The following HHATL variants were observed in gnomAD, a reference collection of about 807,000 sequenced individuals.
HHATL encodes the protein hedgehog acyltransferase like.
Under a neutral mutation model 59.7 loss-of-function variants are expected in HHATL, and 49 were observed. That is an observed-to-expected ratio of 0.82 (90% CI 0.65 to 1.04). The LOEUF (loss-of-function observed/expected upper bound fraction) is 1.04. Ranked by LOEUF, HHATL falls within the 50% of genes least tolerant of loss-of-function variation. The pLI is 0.00. For synonymous variants in HHATL, 238 were observed against 257.3 expected (o/e 0.93, Z 0.72); for missense variants, 605 against 650.8 (o/e 0.93, Z 0.77).
At position 42,697,610 on chromosome 3, in the gene HHATL, C is replaced by T. The variant is rs140686107; in HGVS notation, c.763G>A (p.Val255Met). Residue 255 changes from valine to methionine, a missense_variant, in exon 7 of 12, where the codon GTG (valine) becomes ATG (methionine). Coordinates refer to ENST00000441594, the MANE Select transcript of HHATL (RefSeq NM_020707.4). Reference sequence around the variant, plus strand: ...ATGTCGACGGCCATGATGGCCACCACGCTTAGGCCTGCCTGGGCTCGGATG... The same window carrying T: ...ATGTCGACGGCCATGATGGCCACCATGCTTAGGCCTGCCTGGGCTCGGATG... ...WHIRAQAGLS[V>M]VAIMAVDIFF... 1.2e-5 allele frequency: 19 copies of T among 1,614,024 alleles called. No homozygotes were observed. The highest frequency in any genetic ancestry group is 1.0e-4 in the Admixed American group (6 of 59,996).
intron 9 of HHATL, among the ~76,000 whole-genome samples, chr3:42,695,875 T>C (rs1429186763): frequency 1.3e-5 from 2 of 152,170 alleles, no homozygotes; most frequent in African/African-American, 4.8e-5. Context: ...ATCACCCCTG[T>C]ATCCTGCATC....
At chr3:42,697,276 G>A (rs1697669148) in intron 7 of HHATL, 131 bp from the exon 8 acceptor site, 2 of 1,246,452 alleles carry the variant, frequency 1.6e-6, no homozygotes, top group South Asian at 3.2e-5. Flanking sequence ...CCATATTGTG[G>A]AAATCAGTCA....
At chr3:42,693,547 C>T in intron 10 of HHATL, 70 bp downstream of exon 10, 5 of 1,363,718 alleles carry the variant, frequency 3.7e-6, no homozygotes, top group Non-Finnish European at 5.1e-6. Flanking sequence ...TTGGACAACT[C>T]CAGAAAGCAG....
rs1316350365 is a variant in HHATL at position 42,698,868 on chromosome 3, A to G, written c.323T>C (p.Leu108Ser). The G allele has an allele frequency of 1.9e-6, 3 of 1,611,732 alleles. No homozygotes were observed. The South Asian group carries it at 3.3e-5, about 18-fold the overall frequency. The change falls in exon 5 of 12, where the codon TTG becomes TCG. Residue 108 changes from leucine (L) to serine (S), a missense_variant. Leu to Ser is a moderately radical substitution (Grantham distance 145). Transcript: ENST00000441594. ...RSWMYAVYGA[L>S]AVMGTMGPWY... The stretch of plus-strand genomic sequence containing the variant: ...AGGGCCCATTGTGCCCATCACAGCC[A>G]AGGCCCCGTACACAGCATACATCCA...
At position 42,700,711 on chromosome 3, in the gene HHATL, C is replaced by G; in HGVS notation, c.106+10G>C. ...GGTCCTGTCCACCTGCCCCGGGGCA[C>G]AGCCATTACCTTGTGAAGCCTCAAG... On this transcript the variant is annotated intron_variant, in intron 2 of 11. Coordinates refer to ENST00000441594, the MANE Select transcript of HHATL (RefSeq NM_020707.4). 1 of 1,592,906 alleles carries G rather than the reference C, an allele frequency of 6.3e-7. No individual in the cohort carries two copies. The highest frequency in any genetic ancestry group is 8.6e-7 in the Non-Finnish European group (1 of 1,162,320).
intron 5 of HHATL, 149 bp downstream of exon 5, chr3:42,698,559 T>A: frequency 9.6e-7 from 1 of 1,042,498 alleles, no homozygotes; most frequent in Non-Finnish European, 1.4e-6. Context: ...ATGCAGGTGC[T>A]CACCTTGTGG....
chr3:42,698,427 G>T, intron 5 of HHATL, 76 bp from the exon 6 acceptor site: 1 of 1,376,270 alleles, frequency 7.3e-7, no homozygotes, highest in Non-Finnish European at 1.0e-6. Context: ...CCACTCCCTA[G>T]CTTCCCACAG....
rs192025022 is a variant in HHATL, at chr3:42,701,239, T to C, written c.-13-400A>G. On this transcript the variant is annotated intron_variant, in intron 1 of 11. Transcript: ENST00000441594. The surrounding 1 kb of genome is among the most constrained non-coding windows in gnomAD (Gnocchi z 5.1). ...CTATCACTACAGTCAGGTTTCTGCC[T>C]GCAGGGTCCCCACCTCGATCAGTGA... 0.012 allele frequency: 2,200 copies of C among 184,130 alleles called. 155 individuals carry two copies. Among genetic ancestry groups the C allele is most frequent in the Admixed American group, 0.11 (1,964 of 17,658 alleles). The allele number at this position is 184,130 out of a possible 1,614,324, so 11.4% of individuals were successfully genotyped here. A position where few individuals can be genotyped will look rare whatever the true frequency, so the allele number is the denominator to read the frequency against.
chr3:42,702,371 G>A (rs1048980964), intron 1 of HHATL, among the ~76,000 whole-genome samples: 12 of 152,224 alleles, frequency 7.9e-5, no homozygotes, highest in African/African-American at 2.9e-4. Context: ...GCAAGGAGCT[G>A]GCCCCCAGCC....
chr3:42,700,683 A>G, intron 2 of HHATL, 38 bp downstream of exon 2: 1 of 1,432,994 alleles, frequency 7.0e-7, no homozygotes, highest in Non-Finnish European at 9.8e-7. Context: ...CCAGGGGAAG[A>G]AGGGTCCTGT....
At chr3:42,693,570 G>C (rs200446849) in intron 10 of HHATL, 47 bp downstream of exon 10, 82 of 1,490,572 alleles carry the variant, frequency 5.5e-5, no homozygotes, top group Non-Finnish European at 6.6e-5. Flanking sequence ...GTGCCCCCCC[G>C]CCCTCTATGA....
chr3:42,697,415 C>T, intron 7 of HHATL, 93 bp downstream of exon 7: 1 of 1,414,072 alleles, frequency 7.1e-7, no homozygotes, highest in Non-Finnish European at 9.8e-7. Context: ...GCCCTGCGTG[C>T]CTCAGCTCCC....
intron 6 of HHATL, 130 bp downstream of exon 6, chr3:42,698,012 C>A: frequency 1.0e-6 from 1 of 995,028 alleles, no homozygotes; most frequent in Non-Finnish European, 1.5e-6. Flanking sequence ...AGGGGAGACA[C>A]GGCTTCATCC....
chr3:42,692,730 C>T lies in HHATL; in HGVS notation c.*21G>A, dbSNP rs376651435. On this transcript the variant is annotated 3_prime_UTR_variant, in exon 12 of 12. Coordinates refer to ENST00000441594, the MANE Select transcript of HHATL (RefSeq NM_020707.4). ...GGCCCAAGAATAGCTGAGCAGAGCC[C>T]ATCCCTCTACCCGCTCCCTCCTACT... The T allele has an allele frequency of 5.5e-5, 88 of 1,614,202 alleles. No individual in the cohort carries two copies. The African/African-American group carries it at 9.1e-4, about 17-fold the overall frequency.
chr3:42,700,353 T>C (rs1250074625), intron 2 of HHATL, among the ~76,000 whole-genome samples: 4 of 135,170 alleles, frequency 3.0e-5, no homozygotes, highest in African/African-American at 2.9e-5. Flanking sequence ...TGTCTGGGTC[T>C]AGGTCTCTGT....
rs566301459 is a variant in HHATL at position 42,693,733 on chromosome 3, G to A, written c.1132C>T (p.Leu378=). The change falls in exon 10 of 12, where the codon CTG becomes TTG. Residue 378 remains leucine, a synonymous_variant. Transcript: ENST00000441594. Reference sequence around the variant, plus strand: ...ACAATGTCACAAGGCCCAAGCCACAGTGTGGTGATGGCAAATGTGGCCACT... The same window carrying A: ...ACAATGTCACAAGGCCCAAGCCACAATGTGGTGATGGCAAATGTGGCCACT... ...ATVATFAITT[L]WLGPCDIVYL... The A allele has an allele frequency of 1.2e-6, 2 of 1,614,218 alleles. No individual in the cohort carries two copies. Among genetic ancestry groups the A allele is most frequent in the African/African-American group, 2.7e-5 (2 of 75,074 alleles).
chr3:42,701,219 A>C lies in HHATL; in HGVS notation c.-13-380T>G. 1 of 196,284 alleles carries C rather than the reference A, an allele frequency of 5.1e-6. No individual in the cohort carries two copies. Among genetic ancestry groups the C allele is most frequent in the Non-Finnish European group, 1.1e-5 (1 of 95,016 alleles). The allele number at this position is 196,284 out of a possible 1,614,324, so 12.2% of individuals were successfully genotyped here. On this transcript the variant is annotated intron_variant, in intron 1 of 11. Transcript: ENST00000441594. The surrounding 1 kb of genome is among the most constrained non-coding windows in gnomAD (Gnocchi z 5.1). ...CGTGCGGAGAAACCCCACCTCTATC[A>C]CTACAGTCAGGTTTCTGCCTGCAGG...
chr3:42,693,840 G>A lies in HHATL; in HGVS notation c.1047-22C>T, dbSNP rs749302709. ...ATATCTGCAGGAAAGATGGGAGAAG[G>A]GCCACTGGGAGTGTGGGAAAGGGCA... On this transcript the variant is annotated intron_variant, in intron 9 of 11. Transcript: ENST00000441594. 2.3e-5 allele frequency: 36 copies of A among 1,598,918 alleles called. No homozygotes were observed. The East Asian group carries it at 6.0e-4, about 27-fold the overall frequency.
At chr3:42,697,741 G>T in intron 6 of HHATL, 62 bp from the exon 7 acceptor site, 4 of 1,539,394 alleles carry the variant, frequency 2.6e-6, no homozygotes, top group East Asian at 2.3e-5. Context: ...CCTGTCTGAG[G>T]GGGGCTCACC....
Sources: allele counts gnomAD v4.1 joint callset (sites outside exome capture counted in the v4.1 genomes callset), GRCh38; gene constraint gnomAD v4.1.1; non-coding constraint Gnocchi (gnomAD v3.1); transcripts MANE v1.5; gene names NCBI Gene and HGNC (gene_info 2026-07-23, HGNC 2026-07-21).